PCNX1: variants seen among roughly 807,000 people sequenced by gnomAD.
PCNX1 encodes the protein pecanex 1.
In PCNX1, 78 loss-of-function variants were observed where a neutral mutation model predicts 242.2. The ratio of observed to expected loss-of-function variants is 0.32; its 90% confidence interval spans 0.27 to 0.39. The LOEUF (loss-of-function observed/expected upper bound fraction) is 0.39, where lower values mean the gene tolerates loss of function less well. PCNX1 is among the 10% of genes least tolerant of loss of function. The pLI is 1.00. For missense variants in PCNX1, 2,581 were observed against 2,856.5 expected, an observed-to-expected ratio of 0.90 and a Z score of 2.20; for synonymous variants, 1,024 against 1,032.9, an observed-to-expected ratio of 0.99 and a Z score of 0.17.
At chr14:71,059,082 G>A (rs780504732) in intron 26 of PCNX1, among the ~76,000 whole-genome samples, 1 of 75,422 alleles carries the variant, frequency 1.3e-5, no homozygotes, top group South Asian at 3.5e-4. Context: ...TAAAATAAAT[G>A]TGCATGGGAG....
intron 4 of PCNX1, 65 bp from the exon 5 acceptor site, chr14:70,968,956 G>T: frequency 1.1e-6 from 1 of 888,322 alleles, no homozygotes. Flanking sequence ...AATACTCCTT[G>T]GTTATGCCAC....
chr14:71,002,224 G>A (rs1288634588), intron 8 of PCNX1, among the ~76,000 whole-genome samples: 2 of 152,116 alleles, frequency 1.3e-5, no homozygotes, highest in African/African-American at 4.8e-5. Context: ...ATTTTTAAAT[G>A]GAACCATGAA....
At chr14:70,940,256 A>G (rs1204042766) in intron 1 of PCNX1, among the ~76,000 whole-genome samples, 3 of 152,134 alleles carry the variant, frequency 2.0e-5, no homozygotes, top group East Asian at 3.8e-4. Context: ...ATGTTTTTGC[A>G]GTGGTTGCTA....
Position 71,033,917 on chromosome 14 carries a change from TTC to T in PCNX1, c.3669-12_3669-11del. The T allele has an allele frequency of 7.1e-7, 1 of 1,410,470 alleles. No homozygotes were observed. Among genetic ancestry groups the T allele is most frequent in the Non-Finnish European group, 9.9e-7 (1 of 1,013,746 alleles). 87.4% of individuals were successfully genotyped at this position (1,410,470 alleles called of 1,614,324 possible). A position where few individuals can be genotyped will look rare whatever the true frequency, so the allele number is the denominator to read the frequency against. ...TTATCTATGTATTTTCTGTTTTTTT[TTC>T]TTCACATAAAGCTCTTTAGTGCAAT... On this transcript the variant is annotated splice_polypyrimidine_tract_variant and intron_variant, in intron 17 of 35. Coordinates refer to ENST00000304743, the MANE Select transcript of PCNX1 (RefSeq NM_014982.3).
chr14:70,916,413 G>A (rs772654344), intron 1 of PCNX1, among the ~76,000 whole-genome samples: 1 of 152,058 alleles, frequency 6.6e-6, no homozygotes, highest in Non-Finnish European at 1.5e-5. Flanking sequence ...AAATGAAGAC[G>A]AAAAAAGAGC....
rs60413410 is a variant in PCNX1, at chr14:70,970,432, T to C, written c.604+1322T>C. ...TTCTTTGAGAATTATAATATCCTTT[T>C]CTGTAATATGAGACCATTACAGTGT... On this transcript the variant is annotated intron_variant, in intron 5 of 35. Coordinates refer to ENST00000304743, the MANE Select transcript of PCNX1 (RefSeq NM_014982.3). Among the ~76,000 whole-genome samples the C allele has an allele frequency of 8.6e-3, 1,310 of 152,264 alleles. 23 individuals carry two copies. Among genetic ancestry groups the C allele is most frequent in the African/African-American group, 0.03 (1,235 of 41,540 alleles).
In PCNX1 at chr14:71,103,376, C is replaced by G. The variant is rs916610142; in HGVS notation, c.5821-19C>G. On this transcript the variant is annotated intron_variant, in intron 31 of 35. Transcript: ENST00000304743. Reference sequence around the variant, plus strand: ...ATTCTTGGCCCCTTAACCTAATTCCCTTGTGTTCTGGTTTTCAGGTGAATA... The same window carrying G: ...ATTCTTGGCCCCTTAACCTAATTCCGTTGTGTTCTGGTTTTCAGGTGAATA... 1 of 1,612,342 alleles carries G rather than the reference C, an allele frequency of 6.2e-7. No individual in the cohort carries two copies. Among genetic ancestry groups the G allele is most frequent in the Non-Finnish European group, 8.5e-7 (1 of 1,178,794 alleles).
At chr14:70,941,296 C>T (rs2057231075) in intron 1 of PCNX1, among the ~76,000 whole-genome samples, 1 of 152,192 alleles carries the variant, frequency 6.6e-6, no homozygotes, top group Non-Finnish European at 1.5e-5. Context: ...TGGTGACCTA[C>T]AGTTGGGGTT....
Position 70,914,907 on chromosome 14 carries a change from G to A in PCNX1, c.153+6904G>A, listed in dbSNP as rs576423451. Among the ~76,000 whole-genome samples the A allele has an allele frequency of 4.6e-5, 7 of 151,930 alleles. No individual in the cohort carries two copies. The East Asian group carries it at 1.2e-3, about 25-fold the overall frequency. On this transcript the variant is annotated intron_variant, in intron 1 of 35. Coordinates refer to ENST00000304743, the MANE Select transcript of PCNX1 (RefSeq NM_014982.3). ...ACTTGGCATGTTGTAGAATATCAGC[G>A]TCACTCCAGATAGTTTCTGCTTGAC... is the stretch of plus-strand genomic sequence containing the variant.
intron 2 of PCNX1, among the ~76,000 whole-genome samples, chr14:70,958,745 C>G (rs148919584): frequency 1.3e-3 from 198 of 152,092 alleles, no homozygotes; most frequent in African/African-American, 4.6e-3. Flanking sequence ...GGGTCCTGTG[C>G]TTATTCTAGA....
intron 26 of PCNX1, among the ~76,000 whole-genome samples, chr14:71,066,199 T>A (rs1287098303): frequency 1.3e-5 from 2 of 152,230 alleles, no homozygotes; most frequent in African/African-American, 4.8e-5. Flanking sequence ...TAAATTACTT[T>A]GGGCAGTATG....
chr14:70,993,255 G>T (rs1384798741), intron 7 of PCNX1, among the ~76,000 whole-genome samples: 1 of 151,258 alleles, frequency 6.6e-6, no homozygotes, highest in African/African-American at 2.4e-5. Context: ...CTAGTAGCTG[G>T]GATTACAGGC....
At chr14:70,950,832 CT>C (rs995814738) in intron 2 of PCNX1, among the ~76,000 whole-genome samples, 6 of 151,676 alleles carry the variant, frequency 4.0e-5, no homozygotes, top group East Asian at 1.9e-4. Context: ...GATTTTGGAA[CT>C]TTTTTTAAAT....
intron 7 of PCNX1, among the ~76,000 whole-genome samples, chr14:70,989,589 G>A (rs1019902502): frequency 2.2e-5 from 3 of 138,422 alleles, no homozygotes; most frequent in Admixed American, 8.2e-5. Context: ...GAGTGCAGTC[G>A]CGTGATCTTG....
chr14:71,026,732 A>G, intron 14 of PCNX1, 40 bp from the exon 15 acceptor site: 1 of 885,670 alleles, frequency 1.1e-6, no homozygotes. Flanking sequence ...GAATGGATAC[A>G]GTATAATATT....
chr14:70,965,787 G>C (rs1313015133), intron 3 of PCNX1, among the ~76,000 whole-genome samples: 3 of 152,210 alleles, frequency 2.0e-5, no homozygotes, highest in African/African-American at 7.2e-5. Context: ...TGGCTTCTTG[G>C]GGCAGGTGGC....
chr14:70,949,038 A>G (rs2057607132), intron 2 of PCNX1, among the ~76,000 whole-genome samples: 2 of 149,012 alleles, frequency 1.3e-5, no homozygotes, highest in African/African-American at 4.9e-5. Flanking sequence ...GTGTATATAT[A>G]CACATGTATA....
intron 27 of PCNX1, 147 bp from the exon 28 acceptor site, chr14:71,076,042 G>T: frequency 1.7e-6 from 1 of 590,428 alleles, no homozygotes; most frequent in Non-Finnish European, 3.0e-6. Context: ...AGAATATTGA[G>T]GGGGAATAAA....
chr14:70,988,234 AGAG>A (rs1298625234), intron 6 of PCNX1, among the ~76,000 whole-genome samples: 1 of 152,238 alleles, frequency 6.6e-6, no homozygotes, highest in Non-Finnish European at 1.5e-5. Flanking sequence ...ACGGGGTAAT[AGAG>A]GAATATGGGA....
Sources: gnomAD v4.1 joint callset for allele counts (sites outside exome capture counted in the v4.1 genomes callset) on GRCh38, gnomAD v4.1.1 for gene constraint, MANE v1.5 for transcripts, NCBI Gene and HGNC (gene_info 2026-07-23, HGNC 2026-07-21) for gene names.